ANK2: variants seen among roughly 807,000 people sequenced by gnomAD.
ANK2 encodes ankyrin 2.
Under a neutral mutation model 360.5 loss-of-function variants are expected in ANK2, and 83 were observed. The observed-to-expected ratio is 0.23, with a 90% confidence interval of 0.19 to 0.28. ANK2 has a LOEUF of 0.28. ANK2 is among the 10% of genes least tolerant of loss of function. ANK2 has a pLI of 1.00. For missense variants in ANK2, 4,201 were observed against 4,795.7 expected, an observed-to-expected ratio of 0.88 and a Z score of 3.66; for synonymous variants, 1,740 against 1,759.5, an observed-to-expected ratio of 0.99 and a Z score of 0.28.
At chr4:112,917,469 G>A (rs183344665) in intron 2 of ANK2, among the ~76,000 whole-genome samples, 34 of 152,306 alleles carry the variant, frequency 2.2e-4, no homozygotes, top group Non-Finnish European at 4.6e-4. Context: ...GACTACATTG[G>A]AGGTAAAATT....
intron 17 of ANK2, among the ~76,000 whole-genome samples, chr4:113,279,200 C>T (rs565132352): frequency 5.5e-4 from 84 of 152,160 alleles, no homozygotes; most frequent in African/African-American, 1.6e-3. Flanking sequence ...GTCCTCATTG[C>T]GTCTTTCGTT....
chr4:113,016,250 G>A (rs998501828), intron 2 of ANK2, among the ~76,000 whole-genome samples: 4 of 152,100 alleles, frequency 2.6e-5, no homozygotes, highest in African/African-American at 9.7e-5. Flanking sequence ...AAAATAGGCA[G>A]AGACTGAAAA....
intron 2 of ANK2, among the ~76,000 whole-genome samples, chr4:112,967,321 C>G (rs2037669333): frequency 6.6e-6 from 1 of 152,158 alleles, no homozygotes; most frequent in Admixed American, 6.5e-5. Context: ...TTTCCTTTTA[C>G]AAGTGAGCAA....
intron 1 of ANK2, among the ~76,000 whole-genome samples, chr4:113,066,130 T>C (rs900722280): frequency 6.6e-6 from 1 of 152,206 alleles, no homozygotes; most frequent in African/African-American, 2.4e-5. Flanking sequence ...TTTAACAGTG[T>C]GTGTAGTTTT....
chr4:113,187,331 A>G (rs1299102615), intron 2 of ANK2, among the ~76,000 whole-genome samples: 5 of 152,228 alleles, frequency 3.3e-5, no homozygotes, highest in African/African-American at 1.2e-4. Flanking sequence ...AGTTGAGAAT[A>G]TAGTTTCTCA....
chr4:112,738,131 C>T, the ANK2 span, among the ~76,000 whole-genome samples: 5 of 152,110 alleles, frequency 3.3e-5, no homozygotes, highest in Admixed American at 6.5e-5. Context: ...GACATGAGGC[C>T]GGGTGCAGTG....
At chr4:113,052,693 G>A (rs2067628596) in intron 1 of ANK2, among the ~76,000 whole-genome samples, 1 of 152,184 alleles carries the variant, frequency 6.6e-6, no homozygotes, top group Non-Finnish European at 1.5e-5. Flanking sequence ...TCTCCACTCA[G>A]AAACCACAAG....
chr4:113,205,143 G>A (rs1286680448), intron 4 of ANK2, among the ~76,000 whole-genome samples: 1 of 147,882 alleles, frequency 6.8e-6, no homozygotes, highest in East Asian at 2.0e-4. Flanking sequence ...GGCTGAGGCA[G>A]GAGAATGGCG....
At chr4:113,276,081 A>G (rs2060148124) in intron 15 of ANK2, among the ~76,000 whole-genome samples, 1 of 151,748 alleles carries the variant, frequency 6.6e-6, no homozygotes, top group Non-Finnish European at 1.5e-5. Flanking sequence ...AGCTGGGACT[A>G]CAGGTGCCCT....
intron 2 of ANK2, among the ~76,000 whole-genome samples, chr4:113,005,168 A>G (rs1179637153): frequency 6.6e-6 from 1 of 152,186 alleles, no homozygotes; most frequent in Non-Finnish European, 1.5e-5. Flanking sequence ...TACCTAATTT[A>G]TAAAAAGCTT....
chr4:113,301,471 T>C (rs1156549608), intron 22 of ANK2, among the ~76,000 whole-genome samples: 2 of 151,862 alleles, frequency 1.3e-5, no homozygotes, highest in Non-Finnish European at 2.9e-5. Context: ...ATACATATCC[T>C]TTTTTTTGTG....
intron 2 of ANK2, among the ~76,000 whole-genome samples, chr4:112,921,893 A>C (rs1323430474): frequency 2.0e-5 from 3 of 152,206 alleles, no homozygotes; most frequent in Admixed American, 6.5e-5. Flanking sequence ...CAGGTACCAG[A>C]TGGAATAAAA....
In ANK2 at chr4:113,353,944, C is replaced by T. The variant is rs2095572224; in HGVS notation, c.5326C>T (p.Arg1776Ter). 1.9e-6 allele frequency: 3 copies of T among 1,613,884 alleles called. No homozygotes were observed. The highest frequency in any genetic ancestry group is 1.7e-6 in the Non-Finnish European group (2 of 1,179,958). ...GGACAAAGTAAAGGCCCTTCAGAAG[C>T]GAGTGGAAGATGAACAGAAAGGTCG... The part of the protein sequence containing the change: ...IKDKVKALQK[R>*]VEDEQKGRSK... The change falls in exon 38 of 46, where the codon CGA (arginine) becomes TGA (stop). Residue 1776 changes from arginine to a stop codon, truncating the protein, a stop_gained. Coordinates refer to ENST00000357077, the MANE Select transcript of ANK2 (RefSeq NM_001148.6). LOFTEE classifies it high-confidence loss of function.
intron 2 of ANK2, among the ~76,000 whole-genome samples, chr4:113,024,020 A>C (rs1017852210): frequency 6.6e-6 from 1 of 152,146 alleles, no homozygotes; most frequent in East Asian, 1.9e-4. Flanking sequence ...GGGCTTACAA[A>C]ATTTGTTTTG....
chr4:112,917,967 A>G (rs1379046697), intron 2 of ANK2, among the ~76,000 whole-genome samples: 2 of 152,202 alleles, frequency 1.3e-5, no homozygotes, highest in African/African-American at 2.4e-5. Context: ...CACTACCTGC[A>G]TAAAAAAGAT....
At chr4:113,372,474 C>A in intron 43 of ANK2, 3 of 1,064,176 alleles carry the variant, frequency 2.8e-6, no homozygotes, top group South Asian at 2.8e-5. Flanking sequence ...AAGAAGAAAC[C>A]AGTAGTGAAG....
At chr4:113,161,338 G>C (rs769631963) in intron 1 of ANK2, among the ~76,000 whole-genome samples, 4 of 152,086 alleles carry the variant, frequency 2.6e-5, no homozygotes, top group Non-Finnish European at 5.9e-5. Flanking sequence ...TTTTTAAAAG[G>C]CAGTGCAAGC....
intron 22 of ANK2, among the ~76,000 whole-genome samples, chr4:113,301,458 C>T (rs2074965788): frequency 6.6e-6 from 1 of 151,980 alleles, no homozygotes; most frequent in South Asian, 2.1e-4. Context: ...CTATTACCTC[C>T]ACATACATAT....
intron 3 of ANK2, 38 bp downstream of exon 3, chr4:113,196,504 A>C (rs2098749918): frequency 6.6e-7 from 1 of 1,520,750 alleles, no homozygotes; most frequent in Non-Finnish European, 9.1e-7. Flanking sequence ...TTTCCTTAGA[A>C]AAGCGAAAAT....
Sources: gnomAD v4.1 joint callset for allele counts (sites outside exome capture counted in the v4.1 genomes callset) on GRCh38, gnomAD v4.1.1 for gene constraint, MANE v1.5 for transcripts, NCBI Gene and HGNC (gene_info 2026-07-23, HGNC 2026-07-21) for gene names.